Variants in PROS1 observed in about 807,000 individuals in gnomAD.
The protein encoded by PROS1 is protein S, also known as vitamin K-dependent protein S.
In PROS1, 29 loss-of-function variants were observed where a neutral mutation model predicts 75.9. The observed-to-expected ratio is 0.38, with a 90% CI of 0.28 to 0.52. The LOEUF (loss-of-function observed/expected upper bound fraction) is 0.52, where lower values mean the gene tolerates loss of function less well. Among genes scored for constraint, PROS1 ranks in the 20% least tolerant of loss-of-function variants. The probability of loss-of-function intolerance (pLI) is 0.83; values close to 1 mark genes in which losing one functional copy is unlikely to be tolerated. For missense variants in PROS1, 680 were observed against 810.3 expected (o/e 0.84, Z 1.95); for synonymous variants, 245 against 280.6 (o/e 0.87, Z 1.27).
At chr3:93,914,213 C>G (rs1274038534) in intron 3 of PROS1, among the ~76,000 whole-genome samples, 1 of 152,230 alleles carries the variant, frequency 6.6e-6, no homozygotes, top group Admixed American at 6.5e-5. Context: ...CATGGCTCCA[C>G]TAGGCATTGC....
At chr3:93,946,126 C>A (rs1256657216) in intron 1 of PROS1, among the ~76,000 whole-genome samples, 1 of 152,132 alleles carries the variant, frequency 6.6e-6, no homozygotes, top group African/African-American at 2.4e-5. Flanking sequence ...TCAAGGAGAA[C>A]TACACACCAC....
chr3:93,936,717 C>T (rs1030552268), intron 1 of PROS1, among the ~76,000 whole-genome samples: 6 of 152,176 alleles, frequency 3.9e-5, no homozygotes, highest in African/African-American at 1.4e-4. Context: ...TTTGTTGTAG[C>T]AGCCTGAGCA....
rs564531975 is a variant in PROS1, at chr3:93,892,357, G to T, written c.1155+576C>A. 7.3e-5 allele frequency among the ~76,000 whole-genome samples: 11 copies of T among 150,796 alleles called. 1 individual carries two copies. The East Asian group carries it at 2.2e-3, about 30-fold the overall frequency. On this transcript the variant is annotated intron_variant, in intron 10 of 14. Coordinates refer to ENST00000394236, the MANE Select transcript of PROS1 (RefSeq NM_000313.4). The stretch of plus-strand genomic sequence containing the variant: ...AAAAAAAAATATGCTAGCCGCGGTG[G>T]CTCACATCTGTAATCCCAGGACTTT...
chr3:93,882,233 A>G (rs1309582830), intron 12 of PROS1, among the ~76,000 whole-genome samples: 3 of 152,204 alleles, frequency 2.0e-5, no homozygotes, highest in Non-Finnish European at 4.4e-5. Flanking sequence ...ATAATTATAT[A>G]TTTGCATAAC....
chr3:93,924,786 C>G (rs565845671), intron 2 of PROS1, among the ~76,000 whole-genome samples: 5 of 151,954 alleles, frequency 3.3e-5, no homozygotes, highest in Non-Finnish European at 7.4e-5. Flanking sequence ...TCTCAGCCCC[C>G]CAAGTAGCTG....
chr3:93,876,792 A>T lies in PROS1; in HGVS notation c.1870+174T>A, dbSNP rs1019751184. Reference sequence around the variant, plus strand: ...TTAGTTCAACATTTTTAAACTAAACAAAACAAAACAAAAATATGCCAATAA... The same window carrying T: ...TTAGTTCAACATTTTTAAACTAAACTAAACAAAACAAAAATATGCCAATAA... On this transcript the variant is annotated intron_variant, in intron 14 of 14. Transcript: ENST00000394236. Among the ~76,000 whole-genome samples, 71 of 152,102 alleles carry T rather than the reference A, an allele frequency of 4.7e-4. 3 individuals carry two copies. The highest frequency in any genetic ancestry group is 5.9e-5 in the Non-Finnish European group (4 of 68,004).
chr3:93,888,466 G>A (rs142748601), intron 10 of PROS1, among the ~76,000 whole-genome samples: 15 of 152,066 alleles, frequency 9.9e-5, no homozygotes, highest in Non-Finnish European at 1.5e-4. Context: ...GGTTTTGATT[G>A]GGTATATGTG....
chr3:93,900,941 A>G lies in PROS1; in HGVS notation c.602-12T>C. On this transcript the variant is annotated splice_polypyrimidine_tract_variant and intron_variant, in intron 6 of 14. Coordinates refer to ENST00000394236, the MANE Select transcript of PROS1 (RefSeq NM_000313.4). ...GCATTCATCCACATCTATAAATAAAATCACTATATTAAAAAACATTTTTCC... is the reference window on the plus strand; with the variant it reads ...GCATTCATCCACATCTATAAATAAAGTCACTATATTAAAAAACATTTTTCC... 2 of 1,612,594 alleles carry G rather than the reference A, an allele frequency of 1.2e-6. No individual in the cohort carries two copies. Among genetic ancestry groups the G allele is most frequent in the Non-Finnish European group, 1.7e-6 (2 of 1,179,434 alleles).
chr3:93,932,263 T>C (rs1239407779), intron 1 of PROS1, among the ~76,000 whole-genome samples: 1 of 152,246 alleles, frequency 6.6e-6, no homozygotes, highest in East Asian at 1.9e-4. Context: ...TTTTCCGTTT[T>C]ATATATGAAT....
At position 93,947,929 on chromosome 3, in the gene PROS1, A is replaced by C. The variant is rs186238602; in HGVS notation, c.77-20522T>G. 2.0e-4 allele frequency among the ~76,000 whole-genome samples: 30 copies of C among 152,232 alleles called. No homozygotes were observed. In the East Asian group the frequency reaches 2.1e-3, roughly 11 times the overall value. On this transcript the variant is annotated intron_variant, in intron 1 of 14. Transcript: ENST00000394236. Reference sequence around the variant, plus strand: ...CCTTACCTTGGCATTGCCCTTGCACAATTTTCACATAGGCACCTAAATAGA... The same window carrying C: ...CCTTACCTTGGCATTGCCCTTGCACCATTTTCACATAGGCACCTAAATAGA...
chr3:93,956,728 T>C (rs990299228), intron 1 of PROS1, among the ~76,000 whole-genome samples: 3 of 152,130 alleles, frequency 2.0e-5, no homozygotes, highest in Non-Finnish European at 2.9e-5. Context: ...TTAAAGCATT[T>C]TGGGCAAGTC....
At chr3:93,927,480 G>C in intron 1 of PROS1, 73 bp from the exon 2 acceptor site, 1 of 1,461,752 alleles carries the variant, frequency 6.8e-7, no homozygotes, top group East Asian at 2.5e-5. Flanking sequence ...TAAACAATAA[G>C]AGTTAAAATC....
rs1323186173 is a variant in PROS1, at chr3:93,906,136, T to C, written c.354A>G (p.Pro118=). The part of the protein sequence containing the change: ...PDLRSCVNAI[P]DQCSPLPCNE... ...TGCATGGCAGAGGACTACACTGGTC[T>C]GGAATGGCTGAAGGAAATAGACATC... is the stretch of plus-strand genomic sequence containing the variant. The change falls in exon 5 of 15, where the codon CCA becomes CCG. Residue 118 remains proline (P), a synonymous_variant. Transcript: ENST00000394236. 1 of 1,613,528 alleles carries C rather than the reference T, an allele frequency of 6.2e-7. No individual in the cohort carries two copies. The highest frequency in any genetic ancestry group is 1.7e-5 in the Admixed American group (1 of 59,936).
intron 9 of PROS1, among the ~76,000 whole-genome samples, chr3:93,893,505 C>T (rs1427806784): frequency 6.6e-6 from 1 of 151,968 alleles, no homozygotes; most frequent in African/African-American, 2.4e-5. Context: ...TATAATCTGA[C>T]ATTAAGAAGT....
intron 10 of PROS1, among the ~76,000 whole-genome samples, chr3:93,891,040 AG>A (rs1021755355): frequency 2.6e-5 from 4 of 152,116 alleles, no homozygotes; most frequent in African/African-American, 9.7e-5. Flanking sequence ...AGGAGGTAGA[AG>A]TTGCAGTGAG....
In PROS1 at chr3:93,927,478, A is replaced by G. The variant is rs536074552; in HGVS notation, c.77-71T>C. On this transcript the variant is annotated intron_variant, in intron 1 of 14. Coordinates refer to ENST00000394236, the MANE Select transcript of PROS1 (RefSeq NM_000313.4). Reference sequence around the variant, plus strand: ...AAAATATATTGTTTTATTAAACAATAAGAGTTAAAATCATTTTCTGCCTAT... The same window carrying G: ...AAAATATATTGTTTTATTAAACAATGAGAGTTAAAATCATTTTCTGCCTAT... The G allele has an allele frequency of 7.4e-6, 11 of 1,485,222 alleles. No individual in the cohort carries two copies. The African/African-American group carries it at 1.4e-4, about 19-fold the overall frequency. 92.0% of individuals were successfully genotyped at this position (1,485,222 alleles called of 1,614,324 possible). A position where few individuals can be genotyped will look rare whatever the true frequency, so the allele number is the denominator to read the frequency against.
At chr3:93,916,552 TA>T (rs2107186357) in intron 3 of PROS1, among the ~76,000 whole-genome samples, 1 of 152,326 alleles carries the variant, frequency 6.6e-6, no homozygotes, top group East Asian at 1.9e-4. Flanking sequence ...AGCAGTGTAA[TA>T]CAGAACCCTC....
At chr3:93,945,761 C>T (rs1709382671) in intron 1 of PROS1, among the ~76,000 whole-genome samples, 2 of 152,124 alleles carry the variant, frequency 1.3e-5, no homozygotes, top group Admixed American at 6.5e-5. Flanking sequence ...AACAGGGATG[C>T]CCTCTCTCAC....
At chr3:93,945,611 T>C (rs527785854) in intron 1 of PROS1, among the ~76,000 whole-genome samples, 114 of 152,216 alleles carry the variant, frequency 7.5e-4, no homozygotes, top group African/African-American at 2.7e-3. Flanking sequence ...ATTCAACAGC[T>C]CTTCATGCTA....
Sources: allele counts gnomAD v4.1 joint callset (sites outside exome capture counted in the v4.1 genomes callset), GRCh38; gene constraint gnomAD v4.1.1; transcripts MANE v1.5; gene names NCBI Gene and HGNC (gene_info 2026-07-23, HGNC 2026-07-21).